SLC25A28: variants seen among roughly 807,000 people sequenced by gnomAD.
The protein encoded by SLC25A28 is solute carrier family 25 member 28.
In SLC25A28, 10 loss-of-function variants were observed where a neutral mutation model predicts 31.9. The observed-to-expected ratio is 0.31, with a 90% CI of 0.19 to 0.53. The LOEUF (loss-of-function observed/expected upper bound fraction) is 0.53. Ranked by LOEUF, SLC25A28 falls within the 20% of genes least tolerant of loss-of-function variation. SLC25A28 has a pLI of 0.95. For missense variants in SLC25A28, 256 were observed against 490.3 expected (o/e 0.52, Z 4.51); for synonymous variants, 208 against 203.6 (o/e 1.02, Z -0.19).
At chr10:99,622,298 C>T (rs12245687), upstream of SLC25A28, among the ~76,000 whole-genome samples, 457 of 152,282 alleles carry the variant, frequency 3.0e-3, 1 homozygote, top group African/African-American at 0.01. Context: ...CCACTACACT[C>T]CAGCCTGGGT....
chr10:99,647,168 G>T, the SLC25A28 span, among the ~76,000 whole-genome samples: 202 of 152,186 alleles, frequency 1.3e-3, 1 homozygote, highest in African/African-American at 4.8e-3. Context: ...TTTCCATTTG[G>T]ATATATACGC....
the SLC25A28 span, among the ~76,000 whole-genome samples, chr10:99,645,318 T>G: frequency 6.6e-6 from 1 of 152,248 alleles, no homozygotes; most frequent in Non-Finnish European, 1.5e-5. Flanking sequence ...CTTCAATCAC[T>G]GATACCCTTT....
At chr10:99,653,374 G>A in the SLC25A28 span, among the ~76,000 whole-genome samples, 1 of 152,178 alleles carries the variant, frequency 6.6e-6, no homozygotes, top group Non-Finnish European at 1.5e-5. Context: ...TGCCAGCCAT[G>A]CATGCCATCT....
At position 99,620,301 on chromosome 10, in the gene SLC25A28, G is replaced by T; in HGVS notation, c.35C>A (p.Ala12Glu). The T allele has an allele frequency of 2.4e-6, 1 of 415,232 alleles. No homozygotes were observed. Among genetic ancestry groups the T allele is most frequent in the Admixed American group, 1.7e-4 (1 of 5,914 alleles). The allele number at this position is 415,232 out of a possible 1,614,324, so 25.7% of individuals were successfully genotyped here. ...CCCGGGCCCTGCCGCCGGCCCCCCC[G>T]CCACACCGCCAGCACCCCGCCCCTC... ...ELEGRGAGGV[A>E]GGPAAGPGRS... Residue 12 changes from alanine (A) to glutamate (E), a missense_variant, in exon 1 of 4, where the codon GCG (alanine) becomes GAG (glutamate). Transcript: ENST00000370495.
chr10:99,659,143 A>C, the SLC25A28 span, among the ~76,000 whole-genome samples: 2 of 152,184 alleles, frequency 1.3e-5, no homozygotes, highest in African/African-American at 2.4e-5. This position sits in a 1 kb window ranked among gnomAD's most constrained non-coding sequence, Gnocchi z 4.1. Context: ...GAACCCACCT[A>C]CCGGAGCTAC....
chr10:99,649,626 A>G, the SLC25A28 span, among the ~76,000 whole-genome samples: 1 of 152,034 alleles, frequency 6.6e-6, no homozygotes, highest in African/African-American at 2.4e-5. Context: ...TACTGATTCA[A>G]TCTCGCTACT....
upstream of SLC25A28, among the ~76,000 whole-genome samples, chr10:99,624,561 A>G (rs891678722): frequency 2.6e-4 from 40 of 152,226 alleles, 1 homozygote; most frequent in Non-Finnish European, 5.9e-4. Flanking sequence ...CAGGCCAGGC[A>G]CGGTGGCTCA....
At chr10:99,625,107 G>A (rs373762936), upstream of SLC25A28, among the ~76,000 whole-genome samples, 39 of 16,918 alleles carry the variant, frequency 2.3e-3, no homozygotes, top group South Asian at 9.6e-3. Flanking sequence ...CTTCCAGTGG[G>A]TTCGTGGTCT....
chr10:99,627,740 C>T, the SLC25A28 span, among the ~76,000 whole-genome samples: 1 of 152,068 alleles, frequency 6.6e-6, no homozygotes, highest in African/African-American at 2.4e-5. Flanking sequence ...CGTACCCTGC[C>T]CACTTTTAAG....
chr10:99,637,712 CA>C, the SLC25A28 span, among the ~76,000 whole-genome samples: 1 of 150,266 alleles, frequency 6.7e-6, no homozygotes, highest in African/African-American at 2.4e-5. Context: ...AACAAACAAA[CA>C]AAAAAACTTA....
the SLC25A28 span, among the ~76,000 whole-genome samples, chr10:99,648,509 G>C: frequency 1.3e-5 from 2 of 151,870 alleles, no homozygotes; most frequent in African/African-American, 2.4e-5. Flanking sequence ...AATTCGATAG[G>C]GATTGCATTG....
chr10:99,619,923 A>T, intron 1 of SLC25A28, 122 bp downstream of exon 1: 1 of 984,216 alleles, frequency 1.0e-6, no homozygotes, highest in Non-Finnish European at 1.4e-6. Flanking sequence ...ATCATGTGGT[A>T]GTGGCAGGAG....
chr10:99,652,496 G>A, the SLC25A28 span, among the ~76,000 whole-genome samples: 1 of 152,098 alleles, frequency 6.6e-6, no homozygotes, highest in South Asian at 2.1e-4. Flanking sequence ...GCCCACTCCT[G>A]AAACAGTAGC....
At chr10:99,615,800 T>C (rs2034637838) in intron 1 of SLC25A28, 1 of 985,346 alleles carries the variant, frequency 1.0e-6, no homozygotes, top group Admixed American at 6.1e-5. Context: ...TTTCCATGCA[T>C]TTATTCAAAA....
intron 2 of SLC25A28, among the ~76,000 whole-genome samples, chr10:99,612,886 C>T (rs548150723): frequency 1.3e-5 from 2 of 152,132 alleles, no homozygotes; most frequent in Non-Finnish European, 2.9e-5. Context: ...CAGCTCACAC[C>T]CCAGACAGGA....
chr10:99,629,227 C>A, the SLC25A28 span, among the ~76,000 whole-genome samples: 1 of 152,112 alleles, frequency 6.6e-6, no homozygotes, highest in Non-Finnish European at 1.5e-5. Flanking sequence ...TTAAAAAGAG[C>A]CTGGCACCTC....
upstream of SLC25A28, among the ~76,000 whole-genome samples, chr10:99,624,891 C>G (rs996614328): frequency 6.6e-6 from 1 of 152,104 alleles, no homozygotes; most frequent in Non-Finnish European, 1.5e-5. Context: ...AAACCCTCAG[C>G]AGTTTCCTGC....
chr10:99,645,004 A>G, the SLC25A28 span, among the ~76,000 whole-genome samples: 2 of 151,880 alleles, frequency 1.3e-5, no homozygotes, highest in African/African-American at 2.4e-5. Context: ...CTTCATTTCT[A>G]CTTTGGTGAA....
rs1367897921 is a variant in SLC25A28, at chr10:99,611,515, C to G, written c.578-149G>C. Reference sequence around the variant, plus strand: ...TGAGCTGCTGGCTAACCTGAGAAGTCAGCTTCCCTTTTTTGAGGGGAAGGA... The same window carrying G: ...TGAGCTGCTGGCTAACCTGAGAAGTGAGCTTCCCTTTTTTGAGGGGAAGGA... On this transcript the variant is annotated intron_variant, in intron 3 of 3. Coordinates refer to ENST00000370495, the MANE Select transcript of SLC25A28 (RefSeq NM_031212.4). This position sits in a 1 kb window ranked among gnomAD's most constrained non-coding sequence, Gnocchi z 5.5. The G allele has an allele frequency of 1.0e-5, 10 of 974,304 alleles. No homozygotes were observed. The allele number at this position is 974,304 out of a possible 1,614,324, so 60.4% of individuals were successfully genotyped here. A position where few individuals can be genotyped will look rare whatever the true frequency, so the allele number is the denominator to read the frequency against.
Sources: allele counts gnomAD v4.1 joint callset (sites outside exome capture counted in the v4.1 genomes callset), GRCh38; gene constraint gnomAD v4.1.1; non-coding constraint Gnocchi (gnomAD v3.1); transcripts MANE v1.5; gene names NCBI Gene and HGNC (gene_info 2026-07-23, HGNC 2026-07-21).